LARP4B: variants seen among roughly 807,000 people sequenced by gnomAD.
LARP4B encodes La ribonucleoprotein 4B.
LARP4B carries 12 observed loss-of-function variants against 89.8 expected under a neutral mutation model. The ratio of observed to expected loss-of-function variants is 0.13; its 90% CI spans 0.09 to 0.22. The LOEUF (loss-of-function observed/expected upper bound fraction) is 0.22. Among genes scored for constraint, LARP4B ranks in the 10% least tolerant of loss-of-function variants. The probability of loss-of-function intolerance (pLI) is 1.00; values close to 1 mark genes in which losing one functional copy is unlikely to be tolerated. For missense variants in LARP4B, 757 were observed against 947.7 expected (o/e 0.80, Z 2.64); for synonymous variants, 367 against 363.3 (o/e 1.01, Z -0.12).
intron 1 of LARP4B, among the ~76,000 whole-genome samples, chr10:899,651 A>G (rs961565214): frequency 2.0e-5 from 3 of 152,156 alleles, no homozygotes; most frequent in Admixed American, 6.5e-5. Context: ...TTACCTTCTA[A>G]CTCTAATTGT....
chr10:956,355 C>CT, the LARP4B span, among the ~76,000 whole-genome samples: 2 of 147,746 alleles, frequency 1.4e-5, no homozygotes, highest in Non-Finnish European at 3.0e-5. The surrounding 1 kb of genome is among the most constrained non-coding windows in gnomAD (Gnocchi z 4.3). Context: ...TTTTTTTTTT[C>CT]TTTTTTTTGA....
chr10:973,173 G>C, the LARP4B span, among the ~76,000 whole-genome samples: 1 of 152,106 alleles, frequency 6.6e-6, no homozygotes, highest in Non-Finnish European at 1.5e-5. Context: ...CCAAAGCCCT[G>C]ATGGAAATGG....
chr10:970,770 G>C, the LARP4B span, among the ~76,000 whole-genome samples: 2 of 152,104 alleles, frequency 1.3e-5, no homozygotes, highest in Admixed American at 1.3e-4. Flanking sequence ...TGAGCATAAA[G>C]AGAGAAGACA....
At chr10:866,737 A>C (rs185531349) in intron 3 of LARP4B, among the ~76,000 whole-genome samples, 1 of 152,340 alleles carries the variant, frequency 6.6e-6, no homozygotes, top group East Asian at 1.9e-4. Context: ...CACGTGCTTT[A>C]AATTCCCAAC....
upstream of LARP4B, among the ~76,000 whole-genome samples, chr10:936,321 A>T (rs1373292086): frequency 6.6e-6 from 1 of 152,108 alleles, no homozygotes; most frequent in Non-Finnish European, 1.5e-5. Flanking sequence ...GCGGGGTCCA[A>T]GCCAACTTAA....
At chr10:817,611 A>G in intron 15 of LARP4B, 114 bp downstream of exon 15, 1 of 1,067,256 alleles carries the variant, frequency 9.4e-7, no homozygotes, top group African/African-American at 1.6e-5. Flanking sequence ...GTGGCCTCCA[A>G]GCCTCTCTTG....
intron 1 of LARP4B, among the ~76,000 whole-genome samples, chr10:895,437 G>A (rs969178069): frequency 1.3e-5 from 2 of 151,676 alleles, no homozygotes; most frequent in Non-Finnish European, 2.9e-5. Context: ...GTAGGCTCAT[G>A]CCTGTAATCC....
In LARP4B at chr10:860,980, C is replaced by A. The variant is rs567152642; in HGVS notation, c.430+2763G>T. ...GACCATCCTGGCTAACACGGTGAAA[C>A]CCCGTCTCTACTAAAAATACAAACA... On this transcript the variant is annotated intron_variant, in intron 5 of 17. Transcript: ENST00000316157. Among the ~76,000 whole-genome samples the A allele has an allele frequency of 2.0e-5, 3 of 152,224 alleles. No homozygotes were observed. The South Asian group carries it at 6.2e-4, about 32-fold the overall frequency.
intron 8 of LARP4B, among the ~76,000 whole-genome samples, chr10:833,918 C>G (rs1349932508): frequency 6.7e-6 from 1 of 149,874 alleles, no homozygotes; most frequent in Non-Finnish European, 1.5e-5. Flanking sequence ...CAGAAATTTT[C>G]AGATTGGATA....
chr10:825,939 A>C, intron 11 of LARP4B, 69 bp from the exon 12 acceptor site: 2 of 994,370 alleles, frequency 2.0e-6, no homozygotes, highest in Non-Finnish European at 3.1e-6. Flanking sequence ...AATACCAACA[A>C]ATCTGTGGAA....
chr10:894,117 G>A (rs550720255), intron 1 of LARP4B, among the ~76,000 whole-genome samples: 58 of 152,142 alleles, frequency 3.8e-4, no homozygotes, highest in Non-Finnish European at 7.8e-4. Context: ...AGTGAAGAAC[G>A]TGATGGGAGG....
chr10:831,931 C>A (rs1005281065), intron 8 of LARP4B, among the ~76,000 whole-genome samples: 1 of 152,140 alleles, frequency 6.6e-6, no homozygotes, highest in Non-Finnish European at 1.5e-5. Context: ...ATGACAGATA[C>A]GATAGACTTA....
chr10:973,113 GGA>G, the LARP4B span: 2 of 358,058 alleles, frequency 5.6e-6, no homozygotes, highest in South Asian at 2.1e-5. Flanking sequence ...AGAGAGTAAA[GGA>G]GCTCTGGTCT....
intron 7 of LARP4B, among the ~76,000 whole-genome samples, chr10:842,354 C>A (rs780042128): frequency 6.6e-6 from 1 of 152,064 alleles, no homozygotes; most frequent in South Asian, 2.1e-4. Flanking sequence ...CACACCACCA[C>A]GCCCAGCTAA....
intron 14 of LARP4B, chr10:818,534 G>A (rs1832180474): frequency 6.6e-6 from 1 of 152,190 alleles, no homozygotes; most frequent in East Asian, 1.9e-4. Context: ...TTCCAAGAAA[G>A]CAAACTCAGT....
intron 3 of LARP4B, chr10:873,217 C>T: frequency 1.0e-6 from 1 of 985,384 alleles, no homozygotes; most frequent in African/African-American, 1.7e-5. Context: ...CAGTAACTTG[C>T]TATAATTTCT....
chr10:849,627 C>T (rs746718387), intron 5 of LARP4B, among the ~76,000 whole-genome samples: 9 of 152,260 alleles, frequency 5.9e-5, no homozygotes, highest in South Asian at 2.1e-4. Context: ...GTGGGCTGTA[C>T]GCAGCGACTT....
intron 1 of LARP4B, among the ~76,000 whole-genome samples, chr10:917,288 C>T (rs1253905967): frequency 6.6e-6 from 1 of 152,144 alleles, no homozygotes; most frequent in Non-Finnish European, 1.5e-5. Flanking sequence ...TAAAACATAA[C>T]TTTATGAGCA....
Position 877,089 on chromosome 10 carries a change from C to T in LARP4B, c.141+7358G>A, listed in dbSNP as rs1455580646. Among the ~76,000 whole-genome samples, 8 of 152,188 alleles carry T rather than the reference C, an allele frequency of 5.3e-5. No individual in the cohort carries two copies. The South Asian group carries it at 1.2e-3, about 24-fold the overall frequency. ...CTCTGGGCAGCAAGCCTGTGGAGGGCCCCCAGTGCTCATCTACCAAAACCC... is the reference window on the plus strand; with the variant it reads ...CTCTGGGCAGCAAGCCTGTGGAGGGTCCCCAGTGCTCATCTACCAAAACCC... On this transcript the variant is annotated intron_variant, in intron 3 of 17. Transcript: ENST00000316157.
Sources: allele counts gnomAD v4.1 joint callset (sites outside exome capture counted in the v4.1 genomes callset), GRCh38; gene constraint gnomAD v4.1.1; non-coding constraint Gnocchi (gnomAD v3.1); transcripts MANE v1.5; gene names NCBI Gene and HGNC (gene_info 2026-07-23, HGNC 2026-07-21).